The following LCP2 variants were observed in gnomAD, a reference collection of about 807,000 sequenced individuals.
LCP2 encodes the protein lymphocyte cytosolic protein 2, also known as 76 kDa tyrosine phosphoprotein.
A neutral mutation model predicts 74.5 loss-of-function variants in LCP2; 29 were observed. The ratio of observed to expected loss-of-function variants is 0.39; its 90% CI spans 0.29 to 0.53. LCP2 has a LOEUF of 0.53. Ranked by LOEUF, LCP2 falls within the 20% of genes least tolerant of loss-of-function variation. The pLI is 0.72. For synonymous variants in LCP2, 228 were observed against 229.5 expected, an observed-to-expected ratio of 0.99 and a Z score of 0.06; for missense variants, 604 against 634.6, an observed-to-expected ratio of 0.95 and a Z score of 0.52.
intron 7 of LCP2, 122 bp downstream of exon 7, chr5:170,270,597 G>C: frequency 1.3e-6 from 1 of 786,730 alleles, no homozygotes; most frequent in Non-Finnish European, 2.0e-6. Context: ...AAGAAGCCGA[G>C]CAGATATCGA....
intron 4 of LCP2, chr5:170,275,582 T>A: frequency 1.6e-6 from 1 of 643,112 alleles, no homozygotes; most frequent in Non-Finnish European, 2.7e-6. Flanking sequence ...TCTGATGCTG[T>A]AGAGGAAGTT....
chr5:170,248,923 T>A, intron 20 of LCP2, 104 bp from the exon 21 acceptor site: 9 of 1,160,932 alleles, frequency 7.8e-6, no homozygotes, highest in Non-Finnish European at 1.1e-5. Flanking sequence ...CTTCAAGTGA[T>A]GAGGATTGTG....
chr5:170,263,622 G>A (rs1761700577), intron 10 of LCP2, among the ~76,000 whole-genome samples: 1 of 152,174 alleles, frequency 6.6e-6, no homozygotes, highest in Non-Finnish European at 1.5e-5. Flanking sequence ...GAAATGCCAG[G>A]TGTACTTGAT....
Position 170,270,606 on chromosome 5 carries a change from G to A in LCP2, c.523+113C>T, listed in dbSNP as rs189560226. ...GCTGTTAAGAAGCCGAGCAGATATC[G>A]AGACCCAGAGCTTTCTGCTACATGG... On this transcript the variant is annotated intron_variant, in intron 7 of 20. Transcript: ENST00000046794. 1.3e-4 allele frequency: 115 copies of A among 899,102 alleles called. No homozygotes were observed. In the African/African-American group the frequency reaches 1.3e-3, roughly 10 times the overall value. 55.7% of individuals were successfully genotyped at this position (899,102 alleles called of 1,614,324 possible). A position where few individuals can be genotyped will look rare whatever the true frequency, so the allele number is the denominator to read the frequency against.
At chr5:170,290,522 A>G (rs1002861872) in intron 2 of LCP2, among the ~76,000 whole-genome samples, 2 of 152,188 alleles carry the variant, frequency 1.3e-5, no homozygotes, top group Non-Finnish European at 2.9e-5. Flanking sequence ...AAAAGGGAGC[A>G]TGCATTTACC....
At chr5:170,272,893 T>A (rs1406205741) in intron 6 of LCP2, among the ~76,000 whole-genome samples, 1 of 152,022 alleles carries the variant, frequency 6.6e-6, no homozygotes, top group African/African-American at 2.4e-5. Context: ...ATTACAAGTG[T>A]AAGCCACCGC....
Position 170,297,682 on chromosome 5 carries a change from C to A in LCP2, c.-71G>T. On this transcript the variant is annotated 5_prime_UTR_variant, in exon 1 of 21. Transcript: ENST00000046794. ...CACCCATGGGCAGAGAAGCTCAAAT[C>A]CAGAGCTCGGAGGCGTTCTTGGCTC... 7.2e-7 allele frequency: 1 copy of A among 1,385,310 alleles called. No individual in the cohort carries two copies. Among genetic ancestry groups the A allele is most frequent in the Non-Finnish European group, 9.9e-7 (1 of 1,005,572 alleles). 85.8% of individuals were successfully genotyped at this position (1,385,310 alleles called of 1,614,324 possible). A position where few individuals can be genotyped will look rare whatever the true frequency, so the allele number is the denominator to read the frequency against.
Position 170,252,487 on chromosome 5 carries a change from C to T in LCP2, c.1270G>A (p.Val424Ile), listed in dbSNP as rs895809061. ...EENSLNEEWY[V>I]SYITRPEAEA... ...GCCTCTGGTCGGGTAATATAAGAAA[C>T]GTACCACTCTTCATTTAATGAATTC... is the stretch of plus-strand genomic sequence containing the variant. The change falls in exon 19 of 21, where the codon GTT (valine) becomes ATT (isoleucine). Residue 424 changes from valine to isoleucine, a missense_variant. Transcript: ENST00000046794. The T allele has an allele frequency of 6.4e-6, 10 of 1,572,668 alleles. No homozygotes were observed. The highest frequency in any genetic ancestry group is 2.3e-5 in the South Asian group (2 of 88,212).
intron 3 of LCP2, among the ~76,000 whole-genome samples, chr5:170,283,462 T>TC (rs1762136446): frequency 1.3e-5 from 2 of 151,982 alleles, no homozygotes; most frequent in African/African-American, 4.8e-5. Flanking sequence ...ATCTCTTCCA[T>TC]CCCCCCATCT....
chr5:170,294,251 C>T (rs1390932257), intron 1 of LCP2, among the ~76,000 whole-genome samples: 1 of 152,188 alleles, frequency 6.6e-6, no homozygotes, highest in Non-Finnish European at 1.5e-5. Context: ...TCATCCCAAT[C>T]AAAATAGAGA....
chr5:170,276,514 A>C (rs796170407), intron 3 of LCP2, among the ~76,000 whole-genome samples: 2 of 152,284 alleles, frequency 1.3e-5, no homozygotes, highest in African/African-American at 4.8e-5. Context: ...CATGCCCTTG[A>C]GGCCAGCTTT....
At chr5:170,285,322 A>C (rs754797681) in intron 3 of LCP2, among the ~76,000 whole-genome samples, 15 of 152,062 alleles carry the variant, frequency 9.9e-5, no homozygotes, top group Non-Finnish European at 1.5e-4. Flanking sequence ...TGCTAATTCT[A>C]ATCTCTGTGT....
At chr5:170,259,157 T>C (rs1383607796) in intron 14 of LCP2, among the ~76,000 whole-genome samples, 2 of 152,184 alleles carry the variant, frequency 1.3e-5, no homozygotes, top group African/African-American at 2.4e-5. Context: ...GGCCCAAAGA[T>C]GTAATAATAT....
At chr5:170,277,842 G>A (rs1314648432) in intron 3 of LCP2, among the ~76,000 whole-genome samples, 1 of 151,754 alleles carries the variant, frequency 6.6e-6, no homozygotes, top group African/African-American at 2.4e-5. Context: ...TGGTACTTAA[G>A]AGGAAAGAGA....
intron 13 of LCP2, 148 bp from the exon 14 acceptor site, chr5:170,261,285 G>A: frequency 1.6e-6 from 1 of 634,348 alleles, no homozygotes; most frequent in Non-Finnish European, 2.9e-6. Context: ...CCACAGAGCA[G>A]GGGAGAGGGG....
chr5:170,279,974 G>C (rs543754414), intron 3 of LCP2, among the ~76,000 whole-genome samples: 3 of 151,062 alleles, frequency 2.0e-5, no homozygotes, highest in African/African-American at 7.4e-5. Flanking sequence ...GAGAGAGAGA[G>C]GGGGGAAGGG....
intron 3 of LCP2, among the ~76,000 whole-genome samples, chr5:170,283,730 T>TC (rs937252634): frequency 6.6e-6 from 1 of 152,050 alleles, no homozygotes; most frequent in Admixed American, 6.6e-5. Flanking sequence ...TGCTTTCCAC[T>TC]CCCCCAGGTA....
rs527324761 is a variant in LCP2, at chr5:170,254,279, C to T, written c.1151-1066G>A. Among the ~76,000 whole-genome samples, 212 of 152,254 alleles carry T rather than the reference C, an allele frequency of 1.4e-3. 1 individual carries two copies. The highest frequency in any genetic ancestry group is 4.6e-3 in the African/African-American group (191 of 41,554). ...CTGTGCATGAGTCAGAATCCCTGGG[C>T]GACTTGCGAGCACCTGGGGCTCAGA... is the stretch of plus-strand genomic sequence containing the variant. On this transcript the variant is annotated intron_variant, in intron 17 of 20. Transcript: ENST00000046794.
chr5:170,293,263 G>T lies in LCP2; in HGVS notation c.141+47C>A, dbSNP rs747056371. ...GTTGGCCCTGCAGCCATGGGGAAAA[G>T]TGCCGAACAGTCTTGGTTTCAGTGT... is the stretch of plus-strand genomic sequence containing the variant. On this transcript the variant is annotated intron_variant, in intron 2 of 20. Coordinates refer to ENST00000046794, the MANE Select transcript of LCP2 (RefSeq NM_005565.5). The T allele has an allele frequency of 8.3e-6, 13 of 1,569,524 alleles. No homozygotes were observed. The South Asian group carries it at 1.4e-4, about 17-fold the overall frequency.
Sources: allele counts gnomAD v4.1 joint callset (sites outside exome capture counted in the v4.1 genomes callset), GRCh38; gene constraint gnomAD v4.1.1; transcripts MANE v1.5; gene names NCBI Gene and HGNC (gene_info 2026-07-23, HGNC 2026-07-21).